CTNNA3: variants seen among roughly 807,000 people sequenced by gnomAD.
CTNNA3 encodes catenin alpha-3.
Under a neutral mutation model 95.7 loss-of-function variants are expected in CTNNA3, and 76 were observed. The observed-to-expected ratio is 0.79, with a 90% CI of 0.66 to 0.96. CTNNA3 has a LOEUF of 0.96. Ranked by LOEUF, CTNNA3 falls within the 40% of genes least tolerant of loss-of-function variation. The pLI is 0.00. For synonymous variants in CTNNA3, 431 were observed against 374.4 expected (o/e 1.15, Z -1.74); for missense variants, 1,191 against 1,089.8 (o/e 1.09, Z -1.31).
At chr10:66,957,372 A>C (rs1848846121) in intron 7 of CTNNA3, among the ~76,000 whole-genome samples, 1 of 125,612 alleles carries the variant, frequency 8.0e-6, no homozygotes, top group Admixed American at 9.3e-5. Flanking sequence ...TATATCCAGA[A>C]TATGTGTGTG....
chr10:66,672,647 A>G (rs1027723033), intron 9 of CTNNA3, among the ~76,000 whole-genome samples: 2 of 152,118 alleles, frequency 1.3e-5, no homozygotes, highest in African/African-American at 2.4e-5. Context: ...GTATTTGGTT[A>G]TGGTGGGAGA....
At chr10:66,340,071 A>C (rs1233769355) in intron 12 of CTNNA3, among the ~76,000 whole-genome samples, 1 of 151,744 alleles carries the variant, frequency 6.6e-6, no homozygotes, top group Non-Finnish European at 1.5e-5. Context: ...CATATTAATA[A>C]AAAAGGACAG....
At chr10:66,272,079 G>A (rs988723896) in intron 13 of CTNNA3, among the ~76,000 whole-genome samples, 1 of 152,182 alleles carries the variant, frequency 6.6e-6, no homozygotes, top group Non-Finnish European at 1.5e-5. Flanking sequence ...AGCAGCAAGA[G>A]TACTGTTACA....
At chr10:66,831,924 T>A (rs10762111) in intron 7 of CTNNA3, among the ~76,000 whole-genome samples, 108,923 of 152,058 alleles carry the variant, frequency 0.72, 39,474 homozygotes, top group African/African-American at 0.8. Context: ...GCAAGCAGAT[T>A]AAAGAAGACA....
chr10:66,626,446 A>G (rs1438685730), intron 9 of CTNNA3, among the ~76,000 whole-genome samples: 2 of 152,144 alleles, frequency 1.3e-5, no homozygotes, highest in Non-Finnish European at 2.9e-5. Flanking sequence ...TCTCATTTTC[A>G]TGCATTTTCC....
At chr10:67,544,487 T>C (rs1278623201) in intron 3 of CTNNA3, among the ~76,000 whole-genome samples, 1 of 152,128 alleles carries the variant, frequency 6.6e-6, no homozygotes, top group Non-Finnish European at 1.5e-5. Flanking sequence ...CTGAGAGTCC[T>C]GGGAGATCAA....
At chr10:66,866,903 A>G (rs1193923274) in intron 7 of CTNNA3, among the ~76,000 whole-genome samples, 1 of 152,158 alleles carries the variant, frequency 6.6e-6, no homozygotes, top group Non-Finnish European at 1.5e-5. Flanking sequence ...TGTGGGAGGA[A>G]CCTGATGAGA....
At chr10:67,256,463 A>T (rs1564515985) in intron 5 of CTNNA3, among the ~76,000 whole-genome samples, 1 of 152,178 alleles carries the variant, frequency 6.6e-6, no homozygotes, top group East Asian at 1.9e-4. Context: ...ATAGACTATA[A>T]AAACCACATC....
chr10:67,395,413 T>C (rs1050089465), intron 5 of CTNNA3, among the ~76,000 whole-genome samples: 3 of 152,134 alleles, frequency 2.0e-5, no homozygotes, highest in African/African-American at 7.2e-5. Flanking sequence ...AGCCAAATGA[T>C]GGCAAGGAAC....
chr10:65,957,033 G>T (rs887674233), intron 17 of CTNNA3, among the ~76,000 whole-genome samples: 2 of 152,152 alleles, frequency 1.3e-5, no homozygotes, highest in Non-Finnish European at 2.9e-5. Flanking sequence ...AAGTCTCTTT[G>T]TAGGTCTCTA....
intron 5 of CTNNA3, among the ~76,000 whole-genome samples, chr10:67,392,631 C>T (rs538291489): frequency 1.3e-5 from 2 of 152,144 alleles, no homozygotes; most frequent in African/African-American, 4.8e-5. Context: ...GCACTCTTCA[C>T]AAGAGCAAAG....
At chr10:66,331,646 G>C (rs1181067096) in intron 12 of CTNNA3, among the ~76,000 whole-genome samples, 1 of 151,944 alleles carries the variant, frequency 6.6e-6, no homozygotes, top group Admixed American at 6.6e-5. Context: ...GCTCTGTTCT[G>C]TTCCATTGGT....
intron 7 of CTNNA3, among the ~76,000 whole-genome samples, chr10:66,904,663 A>G (rs1845907388): frequency 6.6e-6 from 1 of 152,152 alleles, no homozygotes; most frequent in South Asian, 2.1e-4. Context: ...GCTCAAACAA[A>G]TTTACAAGAA....
intron 14 of CTNNA3, among the ~76,000 whole-genome samples, chr10:66,102,067 T>C (rs1589405385): frequency 6.6e-6 from 1 of 152,234 alleles, no homozygotes; most frequent in South Asian, 2.1e-4. Flanking sequence ...AGAGCTTGTA[T>C]AACAATATGT....
intron 6 of CTNNA3, among the ~76,000 whole-genome samples, chr10:67,202,966 T>C (rs1210750376): frequency 6.6e-6 from 1 of 152,232 alleles, no homozygotes; most frequent in African/African-American, 2.4e-5. Context: ...TTGCTTATTT[T>C]AGTTTACATA....
rs192864968 is a variant in CTNNA3 at position 66,299,619 on chromosome 10, T to A, written c.1733-18998A>T. 4.9e-4 allele frequency among the ~76,000 whole-genome samples: 75 copies of A among 152,272 alleles called. 1 individual carries two copies. In the East Asian group the frequency reaches 0.011, roughly 23 times the overall value. On this transcript the variant is annotated intron_variant, in intron 12 of 17. Transcript: ENST00000433211. Reference sequence around the variant, plus strand: ...TGAACTTTCAAAGCATCACACTCATTGGATGAAGTAAATCTATACTATCCA... The same window carrying A: ...TGAACTTTCAAAGCATCACACTCATAGGATGAAGTAAATCTATACTATCCA...
At chr10:66,891,310 C>T (rs1165826773) in intron 7 of CTNNA3, among the ~76,000 whole-genome samples, 1 of 152,144 alleles carries the variant, frequency 6.6e-6, no homozygotes, top group Admixed American at 6.5e-5. Context: ...GCAGGTTAGG[C>T]ATTTCCGTAG....
At chr10:66,754,060 T>C (rs73307020) in intron 9 of CTNNA3, among the ~76,000 whole-genome samples, 2,508 of 152,238 alleles carry the variant, frequency 0.016, 75 homozygotes, top group African/African-American at 0.057. Flanking sequence ...ACAAGGGACC[T>C]ATAAAAGCCA....
intron 5 of CTNNA3, among the ~76,000 whole-genome samples, chr10:67,401,786 C>T (rs1404159010): frequency 6.6e-6 from 1 of 152,174 alleles, no homozygotes; most frequent in Non-Finnish European, 1.5e-5. Context: ...CTGCCCATTG[C>T]TCTCAAGGAC....
Sources: allele counts gnomAD v4.1 joint callset (sites outside exome capture counted in the v4.1 genomes callset), GRCh38; gene constraint gnomAD v4.1.1; transcripts MANE v1.5; gene names NCBI Gene and HGNC (gene_info 2026-07-23, HGNC 2026-07-21).